Variants in ANKS1B observed in about 807,000 individuals in gnomAD.
ANKS1B encodes the protein ankyrin repeat and sterile alpha motif domain-containing protein 1B.
ANKS1B carries 36 observed loss-of-function variants against 148.3 expected under a neutral mutation model. That is an observed-to-expected ratio of 0.24 (90% CI 0.19 to 0.32). The LOEUF is 0.32. Ranked by LOEUF, ANKS1B falls within the 10% of genes least tolerant of loss-of-function variation. The pLI is 1.00. For missense variants in ANKS1B, 1,157 were observed against 1,542.6 expected (o/e 0.75, Z 4.19); for synonymous variants, 542 against 560.8 (o/e 0.97, Z 0.47).
intron 16 of ANKS1B, chr12:99,083,813 C>T (rs1025186028): frequency 1.3e-5 from 2 of 152,104 alleles, no homozygotes; most frequent in African/African-American, 2.4e-5. Context: ...TCCTGAAATG[C>T]CTTTTCCCAT....
At chr12:99,647,047 T>G (rs2098376889) in intron 9 of ANKS1B, among the ~76,000 whole-genome samples, 1 of 151,882 alleles carries the variant, frequency 6.6e-6, no homozygotes, top group African/African-American at 2.4e-5. Flanking sequence ...AGAAATAAAT[T>G]TCCTAATAAA....
intron 12 of ANKS1B, among the ~76,000 whole-genome samples, chr12:99,334,752 G>A (rs1442119565): frequency 1.3e-5 from 2 of 151,930 alleles, no homozygotes; most frequent in Non-Finnish European, 2.9e-5. Flanking sequence ...ATTATTTTAT[G>A]AGCAACTTAA....
chr12:98,951,966 C>T (rs2099854732), intron 17 of ANKS1B, among the ~76,000 whole-genome samples: 1 of 152,138 alleles, frequency 6.6e-6, no homozygotes, highest in Non-Finnish European at 1.5e-5. Flanking sequence ...ACCTAGCATA[C>T]AAAAAGCCCT....
chr12:98,745,555 C>A lies in ANKS1B; in HGVS notation c.*184G>T, dbSNP rs753224854. ...CAGGGGTTGCGACTGGAAAGTCTTG[C>A]GTTTTCCATCACTGGTGCAGAAAGA... On this transcript the variant is annotated 3_prime_UTR_variant, in exon 27 of 27. Coordinates refer to ENST00000683438, the MANE Select transcript of ANKS1B (RefSeq NM_001352186.2). The A allele has an allele frequency of 1.5e-6, 2 of 1,373,108 alleles. No individual in the cohort carries two copies. Among genetic ancestry groups the A allele is most frequent in the Non-Finnish European group, 9.4e-7 (1 of 1,061,984 alleles). 85.1% of individuals were successfully genotyped at this position (1,373,108 alleles called of 1,614,324 possible). A position where few individuals can be genotyped will look rare whatever the true frequency, so the allele number is the denominator to read the frequency against.
At chr12:99,071,644 C>CTTTTTT (rs71646503) in intron 16 of ANKS1B, among the ~76,000 whole-genome samples, 2 of 143,144 alleles carry the variant, frequency 1.4e-5, no homozygotes, top group Non-Finnish European at 1.5e-5. Flanking sequence ...TAATCTCTCT[C>CTTTTTT]TTTTTTTTTT....
intron 8 of ANKS1B, among the ~76,000 whole-genome samples, chr12:99,685,122 CAGAGT>C (rs769611903): frequency 6.8e-4 from 103 of 152,206 alleles, no homozygotes; most frequent in Admixed American, 1.3e-3. Context: ...AAATAATCAG[CAGAGT>C]AAACAGACAA....
intron 1 of ANKS1B, among the ~76,000 whole-genome samples, chr12:99,881,593 A>G (rs12828415): frequency 0.17 from 25,853 of 152,218 alleles, 2,728 homozygotes; most frequent in Non-Finnish European, 0.24. Flanking sequence ...CCTGAGCTGC[A>G]CATACAGAGA....
chr12:98,919,796 G>A (rs2152899139), intron 17 of ANKS1B, among the ~76,000 whole-genome samples: 1 of 152,274 alleles, frequency 6.6e-6, no homozygotes, highest in African/African-American at 2.4e-5. Flanking sequence ...GGTTGGTGAA[G>A]TACTTCGGCT....
chr12:98,934,615 C>T (rs2099816763), intron 17 of ANKS1B, among the ~76,000 whole-genome samples: 1 of 151,958 alleles, frequency 6.6e-6, no homozygotes, highest in Non-Finnish European at 1.5e-5. Flanking sequence ...GATATCTTTT[C>T]ATTTGTTTGT....
chr12:99,842,413 C>T (rs1352191283), intron 1 of ANKS1B, among the ~76,000 whole-genome samples: 1 of 151,986 alleles, frequency 6.6e-6, no homozygotes, highest in Non-Finnish European at 1.5e-5. Context: ...TTTAGCTGGC[C>T]TCCTAAAACT....
chr12:99,265,338 C>T (rs2076343361), intron 12 of ANKS1B, among the ~76,000 whole-genome samples: 3 of 152,280 alleles, frequency 2.0e-5, no homozygotes, highest in Admixed American at 2.0e-4. Context: ...AATGCATATT[C>T]TTAGGCCTCA....
At chr12:99,188,699 T>C (rs1792271392) in intron 14 of ANKS1B, among the ~76,000 whole-genome samples, 1 of 152,146 alleles carries the variant, frequency 6.6e-6, no homozygotes, top group Non-Finnish European at 1.5e-5. Flanking sequence ...TAAAGCACTG[T>C]TTAGAGGGAC....
intron 19 of ANKS1B, among the ~76,000 whole-genome samples, chr12:98,819,314 T>C (rs2099165958): frequency 6.6e-6 from 1 of 152,220 alleles, no homozygotes; most frequent in Non-Finnish European, 1.5e-5. Context: ...CATGTTAATG[T>C]TGATCTGCCC....
intron 17 of ANKS1B, among the ~76,000 whole-genome samples, chr12:98,967,108 C>A (rs2099878771): frequency 6.6e-6 from 1 of 152,112 alleles, no homozygotes; most frequent in African/African-American, 2.4e-5. Context: ...ACCACAGATG[C>A]CAGTCAAGGC....
chr12:98,764,024 A>G (rs1192080094), intron 25 of ANKS1B, among the ~76,000 whole-genome samples: 1 of 152,212 alleles, frequency 6.6e-6, no homozygotes, highest in Non-Finnish European at 1.5e-5. Flanking sequence ...ATGGAACCAC[A>G]GCCTAAGGTG....
At chr12:99,799,787 G>A (rs112450006) in intron 4 of ANKS1B, among the ~76,000 whole-genome samples, 329 of 152,248 alleles carry the variant, frequency 2.2e-3, no homozygotes, top group Non-Finnish European at 3.6e-3. Context: ...TGTACATAAT[G>A]TGTTCCAACA....
chr12:99,756,706 A>G (rs1026553581), intron 8 of ANKS1B, among the ~76,000 whole-genome samples: 4 of 152,296 alleles, frequency 2.6e-5, no homozygotes, highest in Non-Finnish European at 4.4e-5. Flanking sequence ...CCAAAACAGC[A>G]TAGTACTGGT....
intron 10 of ANKS1B, among the ~76,000 whole-genome samples, chr12:99,503,872 T>G (rs2096680507): frequency 6.6e-6 from 1 of 152,124 alleles, no homozygotes; most frequent in African/African-American, 2.4e-5. Context: ...AGCTTTCATA[T>G]AATCACTCTG....
intron 14 of ANKS1B, among the ~76,000 whole-genome samples, chr12:99,232,851 A>G (rs1013484187): frequency 2.6e-5 from 4 of 152,148 alleles, no homozygotes; most frequent in African/African-American, 9.7e-5. Flanking sequence ...AGCCATGCAT[A>G]CTCTGATAAA....
Sources: gnomAD v4.1 joint callset for allele counts (sites outside exome capture counted in the v4.1 genomes callset) on GRCh38, gnomAD v4.1.1 for gene constraint, MANE v1.5 for transcripts, NCBI Gene and HGNC (gene_info 2026-07-23, HGNC 2026-07-21) for gene names.